The following PLEKHA6 variants were observed in gnomAD, a reference collection of about 807,000 sequenced individuals.
The protein encoded by PLEKHA6 is pleckstrin homology domain containing A6.
Under a neutral mutation model 116.7 loss-of-function variants are expected in PLEKHA6, and 60 were observed. The observed-to-expected ratio is 0.51, with a 90% CI of 0.42 to 0.64. The LOEUF is 0.64. PLEKHA6 is among the 30% of genes least tolerant of loss of function. The pLI, the probability that PLEKHA6 is intolerant of heterozygous loss-of-function variation, is 0.00. For missense variants in PLEKHA6, 1,338 were observed against 1,422.7 expected, an observed-to-expected ratio of 0.94 and a Z score of 0.96; for synonymous variants, 489 against 556.1, an observed-to-expected ratio of 0.88 and a Z score of 1.70.
At chr1:204,247,802 A>T (rs1159599359) in intron 12 of PLEKHA6, among the ~76,000 whole-genome samples, 2 of 152,086 alleles carry the variant, frequency 1.3e-5, no homozygotes, top group Non-Finnish European at 2.9e-5. Context: ...ACAAATTACA[A>T]AAGTTAGCTG....
chr1:204,259,842 G>T lies in PLEKHA6; in HGVS notation c.525-102C>A. 7.7e-7 allele frequency: 1 copy of T among 1,291,340 alleles called. No individual in the cohort carries two copies. The highest frequency in any genetic ancestry group is 1.1e-6 in the Non-Finnish European group (1 of 951,256). 80.0% of individuals were successfully genotyped at this position (1,291,340 alleles called of 1,614,324 possible). ...GAAGAGGAGTGGGGAAGGATGGGCA[G>T]GGAGGTGGCTGGAACCAGGATTCTA... On this transcript the variant is annotated intron_variant, in intron 7 of 22. Coordinates refer to ENST00000272203, the MANE Select transcript of PLEKHA6 (RefSeq NM_014935.5). This position sits in a 1 kb window ranked among gnomAD's most constrained non-coding sequence, Gnocchi z 4.6.
rs369745145 is a variant in PLEKHA6 at position 204,277,459 on chromosome 1, G to A, written c.-94-2650C>T. ...GTGAGCTAAGGACGCAGAGTAGCTG[G>A]ACGGGTGAAGGAGTCTGGGGCTGCA... is the stretch of plus-strand genomic sequence containing the variant. On this transcript the variant is annotated intron_variant, in intron 1 of 22. Transcript: ENST00000272203. This position sits in a 1 kb window ranked among gnomAD's most constrained non-coding sequence, Gnocchi z 4.1. The A allele has an allele frequency of 2.6e-5, 4 of 152,254 alleles. No homozygotes were observed. Among genetic ancestry groups the A allele is most frequent in the African/African-American group, 7.2e-5 (3 of 41,452 alleles). The allele number at this position is 152,254 out of a possible 1,614,324, so 9.4% of individuals were successfully genotyped here.
intron 3 of PLEKHA6, among the ~76,000 whole-genome samples, chr1:204,366,727 C>CTCCA (rs1401970576): frequency 6.6e-6 from 1 of 152,156 alleles, no homozygotes; most frequent in African/African-American, 2.4e-5. Flanking sequence ...CACCACTGCA[C>CTCCA]TCCAGCCTGG....
intron 1 of PLEKHA6, among the ~76,000 whole-genome samples, chr1:204,290,997 A>G (rs1669695619): frequency 6.6e-6 from 1 of 150,658 alleles, no homozygotes. Context: ...TCAAAAAAAA[A>G]AAAAAAAAGA....
rs1020148526 is a variant in PLEKHA6 at position 204,261,068 on chromosome 1, C to A, written c.524+238G>T. ...CTGGCCAGACCCCAATGGAACCTGG[C>A]TTTTCTCTTGGCCTTCCCGAGCTCA... On this transcript the variant is annotated intron_variant, in intron 7 of 22. Coordinates refer to ENST00000272203, the MANE Select transcript of PLEKHA6 (RefSeq NM_014935.5). This position sits in a 1 kb window ranked among gnomAD's most constrained non-coding sequence, Gnocchi z 4.0. 6.6e-6 allele frequency among the ~76,000 whole-genome samples: 1 copy of A among 152,240 alleles called. No individual in the cohort carries two copies. Among genetic ancestry groups the A allele is most frequent in the African/African-American group, 2.4e-5 (1 of 41,462 alleles).
rs779480876 is a variant in PLEKHA6, at chr1:204,219,093, C to A, written c.*3695G>T. The A allele has an allele frequency of 6.6e-6, 1 of 152,512 alleles. No homozygotes were observed. The allele number at this position is 152,512 out of a possible 1,614,324, so 9.4% of individuals were successfully genotyped here. The stretch of plus-strand genomic sequence containing the variant: ...CCTGACAGAGATTCCATCTATCTAA[C>A]CTTCACCCTTCTTCTAAGGCCACTT... On this transcript the variant is annotated 3_prime_UTR_variant, in exon 23 of 23. Coordinates refer to ENST00000272203, the MANE Select transcript of PLEKHA6 (RefSeq NM_014935.5).
Position 204,358,011 on chromosome 1 carries a change from G to C in PLEKHA6, c.-95+1683C>G, listed in dbSNP as rs147196284. On this transcript the variant is annotated intron_variant, in intron 1 of 22. Coordinates refer to ENST00000272203, the MANE Select transcript of PLEKHA6 (RefSeq NM_014935.5). ...AGTAATTATCTGTGTAAGGCGTCCT[G>C]CACCATCACCTTCCTAGGAAGGAGG... 5.0e-3 allele frequency among the ~76,000 whole-genome samples: 763 copies of C among 152,292 alleles called. 13 individuals carry two copies. The Middle Eastern group carries it at 0.054, about 11-fold the overall frequency.
At chr1:204,287,871 T>A (rs1299705331) in intron 1 of PLEKHA6, among the ~76,000 whole-genome samples, 1 of 152,220 alleles carries the variant, frequency 6.6e-6, no homozygotes, top group Non-Finnish European at 1.5e-5. Flanking sequence ...GGACAGACAA[T>A]GGTTTGTATC....
At chr1:204,361,507 C>G (rs547922829), upstream of PLEKHA6, among the ~76,000 whole-genome samples, 8 of 152,348 alleles carry the variant, frequency 5.3e-5, no homozygotes, top group Non-Finnish European at 1.0e-4. Flanking sequence ...GCAGGCCAGG[C>G]TGGAGCCAGG....
chr1:204,243,087 C>T lies in PLEKHA6; in HGVS notation c.2173-1273G>A, dbSNP rs1198726643. ...CTTTGCCCATTGTCCCCTGCCCCACCCTCCAGGACCCAAGGGTGATGGGTA... is the reference window on the plus strand; with the variant it reads ...CTTTGCCCATTGTCCCCTGCCCCACTCTCCAGGACCCAAGGGTGATGGGTA... On this transcript the variant is annotated intron_variant, in intron 15 of 22. Coordinates refer to ENST00000272203, the MANE Select transcript of PLEKHA6 (RefSeq NM_014935.5). 1.8e-5 allele frequency: 7 copies of T among 399,086 alleles called. 1 individual carries two copies. In the South Asian group the frequency reaches 7.6e-4, roughly 44 times the overall value. 24.7% of individuals were successfully genotyped at this position (399,086 alleles called of 1,614,324 possible). A position where few individuals can be genotyped will look rare whatever the true frequency, so the allele number is the denominator to read the frequency against.
chr1:204,224,256 A>G (rs934465740), intron 21 of PLEKHA6, among the ~76,000 whole-genome samples: 1 of 152,022 alleles, frequency 6.6e-6, no homozygotes, highest in African/African-American at 2.4e-5. Context: ...CTCTATTATC[A>G]TTATTATTCC....
intron 1 of PLEKHA6, among the ~76,000 whole-genome samples, chr1:204,304,198 G>A (rs1671075806): frequency 6.6e-6 from 1 of 152,160 alleles, no homozygotes; most frequent in Non-Finnish European, 1.5e-5. Flanking sequence ...ATTTCCAAAA[G>A]GTGACTGTAG....
In PLEKHA6 at chr1:204,301,342, C is replaced by T. The variant is rs187622314; in HGVS notation, c.-94-26533G>A. On this transcript the variant is annotated intron_variant, in intron 1 of 22. Transcript: ENST00000272203. ...AGCCTGGAGCTGGCTCCTGGGAATG[C>T]ATGTTGGCATGGGACAGGGGAGAGG... 1.7e-4 allele frequency: 167 copies of T among 958,488 alleles called. No homozygotes were observed. In the African/African-American group the frequency reaches 2.6e-3, roughly 15 times the overall value. The allele number at this position is 958,488 out of a possible 1,614,324, so 59.4% of individuals were successfully genotyped here.
At chr1:204,255,022 C>T (rs1439419091) in intron 9 of PLEKHA6, among the ~76,000 whole-genome samples, 1 of 152,206 alleles carries the variant, frequency 6.6e-6, no homozygotes, top group African/African-American at 2.4e-5. Context: ...CTTCAGCTTG[C>T]TCACCTGTAA....
intron 1 of PLEKHA6, among the ~76,000 whole-genome samples, chr1:204,374,675 T>C (rs951436336): frequency 5.3e-5 from 8 of 152,186 alleles, no homozygotes; most frequent in Non-Finnish European, 7.3e-5. Flanking sequence ...TCTCTCTTTA[T>C]AGGGTCCATC....
At chr1:204,313,273 G>T (rs996941976) in intron 1 of PLEKHA6, among the ~76,000 whole-genome samples, 1 of 151,972 alleles carries the variant, frequency 6.6e-6, no homozygotes. Context: ...CTGACTAATC[G>T]CCCTGTTGGA....
intron 1 of PLEKHA6, among the ~76,000 whole-genome samples, chr1:204,294,034 T>G (rs928433035): frequency 1.3e-5 from 2 of 152,238 alleles, no homozygotes; most frequent in Non-Finnish European, 2.9e-5. Flanking sequence ...TTAATTGTAC[T>G]GTGGTTATGC....
intron 9 of PLEKHA6, chr1:204,256,831 G>C: frequency 1.5e-6 from 1 of 663,850 alleles, no homozygotes; most frequent in Non-Finnish European, 2.7e-6. Flanking sequence ...GGGGATGGTG[G>C]GTAGTTGTAG....
intron 1 of PLEKHA6, among the ~76,000 whole-genome samples, chr1:204,284,314 C>A (rs568432323): frequency 6.6e-6 from 1 of 152,272 alleles, no homozygotes; most frequent in South Asian, 2.1e-4. Flanking sequence ...CCAGGGAGAC[C>A]CATTCTGCCT....
Sources: allele counts gnomAD v4.1 joint callset (sites outside exome capture counted in the v4.1 genomes callset), GRCh38; gene constraint gnomAD v4.1.1; non-coding constraint Gnocchi (gnomAD v3.1); transcripts MANE v1.5; gene names NCBI Gene and HGNC (gene_info 2026-07-23, HGNC 2026-07-21).